The following NLK variants were observed in gnomAD, a reference collection of about 807,000 sequenced individuals.
NLK encodes the protein nemo like kinase, also known as serine/threonine-protein kinase NLK.
NLK carries 11 observed loss-of-function variants against 59.0 expected under a neutral mutation model. The ratio of observed to expected loss-of-function variants is 0.19; its 90% CI spans 0.12 to 0.31. The LOEUF is 0.31. NLK is among the 10% of genes least tolerant of loss of function. NLK has a pLI of 1.00. For missense variants in NLK, 410 were observed against 661.1 expected, an observed-to-expected ratio of 0.62 and a Z score of 4.16; for synonymous variants, 235 against 235.9, an observed-to-expected ratio of 1.00 and a Z score of 0.03.
intron 7 of NLK, among the ~76,000 whole-genome samples, chr17:28,175,409 C>T (rs1000744639): frequency 3.3e-5 from 5 of 151,784 alleles, no homozygotes; most frequent in Non-Finnish European, 7.4e-5. Context: ...CGAGATCACG[C>T]CACTGCACTC....
chr17:28,176,302 A>G (rs1567737473), intron 7 of NLK, among the ~76,000 whole-genome samples: 1 of 152,256 alleles, frequency 6.6e-6, no homozygotes, highest in Non-Finnish European at 1.5e-5. Flanking sequence ...TAAAAATTCA[A>G]TACAAGTTTT....
intron 1 of NLK, among the ~76,000 whole-genome samples, chr17:28,067,692 T>C (rs1909879151): frequency 6.6e-6 from 1 of 152,080 alleles, no homozygotes; most frequent in Non-Finnish European, 1.5e-5. Context: ...GATGCAACTA[T>C]CCTGTGATGG....
chr17:28,190,392 G>T (rs1909263752), intron 8 of NLK, among the ~76,000 whole-genome samples: 1 of 152,108 alleles, frequency 6.6e-6, no homozygotes, highest in South Asian at 2.1e-4. Flanking sequence ...GGCCAAGACT[G>T]GAGGCCACAA....
At chr17:28,200,356 T>A (rs1909598185), downstream of NLK, among the ~76,000 whole-genome samples, 2 of 152,242 alleles carry the variant, frequency 1.3e-5, no homozygotes, top group African/African-American at 4.8e-5. Flanking sequence ...TAGGTTGAAG[T>A]TCTCTTTTTG....
chr17:28,110,357 A>C lies in NLK; in HGVS notation c.459-12246A>C, dbSNP rs137982887. Among the ~76,000 whole-genome samples, 203 of 152,198 alleles carry C rather than the reference A, an allele frequency of 1.3e-3. 1 individual carries two copies. The highest frequency in any genetic ancestry group is 4.5e-3 in the African/African-American group (189 of 41,540). Reference sequence around the variant, plus strand: ...TTTGACTTCCATTTTTTCTGATGAGAAGTCAGTCATTTATCATATTGTTGT... The same window carrying C: ...TTTGACTTCCATTTTTTCTGATGAGCAGTCAGTCATTTATCATATTGTTGT... On this transcript the variant is annotated intron_variant, in intron 1 of 10. Transcript: ENST00000407008.
At chr17:28,158,640 CTTAT>C (rs1421525632) in intron 3 of NLK, among the ~76,000 whole-genome samples, 5 of 151,294 alleles carry the variant, frequency 3.3e-5, no homozygotes, top group Non-Finnish European at 4.4e-5. Flanking sequence ...ATTTTTTTTT[CTTAT>C]TTATTTATTT....
intron 1 of NLK, among the ~76,000 whole-genome samples, chr17:28,099,709 G>A (rs1454954442): frequency 1.3e-5 from 2 of 150,484 alleles, no homozygotes; most frequent in Non-Finnish European, 3.0e-5. Flanking sequence ...CTCCCGAGTA[G>A]CTGGGACTAC....
intron 1 of NLK, among the ~76,000 whole-genome samples, chr17:28,094,066 C>T (rs1472187951): frequency 1.3e-5 from 2 of 152,180 alleles, no homozygotes; most frequent in Non-Finnish European, 2.9e-5. Flanking sequence ...GATTAATTCA[C>T]AGATGCTGAC....
At chr17:28,197,641 A>T (rs1208225622), downstream of NLK, among the ~76,000 whole-genome samples, 1 of 152,162 alleles carries the variant, frequency 6.6e-6, no homozygotes, top group Non-Finnish European at 1.5e-5. Flanking sequence ...AGTTAGGGCT[A>T]TAATCACCTA....
At chr17:28,075,918 G>A (rs187228187) in intron 1 of NLK, among the ~76,000 whole-genome samples, 38 of 152,180 alleles carry the variant, frequency 2.5e-4, no homozygotes, top group African/African-American at 8.7e-4. Flanking sequence ...AGCTAAAAAC[G>A]TCAACAGATA....
chr17:28,156,582 G>A (rs927332510), intron 3 of NLK, among the ~76,000 whole-genome samples: 1 of 152,134 alleles, frequency 6.6e-6, no homozygotes, highest in Non-Finnish European at 1.5e-5. Flanking sequence ...GGGGGAGGGG[G>A]ATGGTCATTG....
chr17:28,200,747 T>C (rs1441930734), downstream of NLK, among the ~76,000 whole-genome samples: 1 of 152,182 alleles, frequency 6.6e-6, no homozygotes, highest in Non-Finnish European at 1.5e-5. Context: ...GCCTCCCAAA[T>C]TGTTGGGATT....
Position 28,042,960 on chromosome 17 carries a change from C to CCACCAT in NLK, c.93_98dup (p.His33_His34dup). 2 of 1,554,790 alleles carry CCACCAT rather than the reference C, an allele frequency of 1.3e-6. No individual in the cohort carries two copies. Among genetic ancestry groups the CCACCAT allele is most frequent in the Non-Finnish European group, 1.7e-6 (2 of 1,148,744 alleles). ...CTGCAGCAGCAGCAGGTCACCACCA[C>CCACCAT]CACCATCACCACCACCTTCCACACC... On this transcript the variant is annotated inframe_insertion, in exon 1 of 11. Coordinates refer to ENST00000407008, the MANE Select transcript of NLK (RefSeq NM_016231.5).
chr17:28,112,849 T>C (rs1905584741), intron 1 of NLK, among the ~76,000 whole-genome samples: 1 of 152,164 alleles, frequency 6.6e-6, no homozygotes, highest in South Asian at 2.1e-4. Context: ...CCTAATAATG[T>C]ATTCTTGTGT....
At position 28,192,160 on chromosome 17, in the gene NLK, C is replaced by T; in HGVS notation, c.1476C>T (p.Asn492=). 6.2e-7 allele frequency: 1 copy of T among 1,609,688 alleles called. No individual in the cohort carries two copies. The highest frequency in any genetic ancestry group is 8.5e-7 in the Non-Finnish European group (1 of 1,177,204). The change falls in exon 10 of 11, where the codon AAC becomes AAT. Residue 492 remains asparagine (N), a synonymous_variant. Coordinates refer to ENST00000407008, the MANE Select transcript of NLK (RefSeq NM_016231.5). ...HQFILEQQKG[N]RVPLCINPQS... The stretch of plus-strand genomic sequence containing the variant: ...TCATTTTGGAACAGCAGAAAGGAAA[C>T]AGAGTGCCTCTCTGCATCAACCCTC...
chr17:28,086,877 A>G (rs1910536397), intron 1 of NLK, among the ~76,000 whole-genome samples: 1 of 150,776 alleles, frequency 6.6e-6, no homozygotes. Context: ...AAAAATATAT[A>G]CATATATATA....
At chr17:28,193,235 A>G (rs866888885) in intron 10 of NLK, among the ~76,000 whole-genome samples, 20 of 152,326 alleles carry the variant, frequency 1.3e-4, no homozygotes, top group Middle Eastern at 3.4e-3. Flanking sequence ...AGACTGAGGG[A>G]GAGTAAACAA....
chr17:28,051,028 T>C (rs1909233302), intron 1 of NLK, among the ~76,000 whole-genome samples: 1 of 147,880 alleles, frequency 6.8e-6, no homozygotes, highest in African/African-American at 2.5e-5. Context: ...TGCAGTGAGC[T>C]GATATCACAC....
chr17:28,070,748 A>G (rs965767817), intron 1 of NLK, among the ~76,000 whole-genome samples: 8 of 152,196 alleles, frequency 5.3e-5, no homozygotes, highest in African/African-American at 1.7e-4. Flanking sequence ...TATTAATTTT[A>G]AAGTAAAATA....
Sources: gnomAD v4.1 joint callset for allele counts (sites outside exome capture counted in the v4.1 genomes callset) on GRCh38, gnomAD v4.1.1 for gene constraint, MANE v1.5 for transcripts, NCBI Gene and HGNC (gene_info 2026-07-23, HGNC 2026-07-21) for gene names.